The following E2F6 variants were observed in gnomAD, a reference collection of about 807,000 sequenced individuals.
E2F6 encodes E2F transcription factor 6, also known as transcription factor E2F6.
E2F6 carries 19 observed loss-of-function variants against 31.5 expected under a neutral mutation model. The ratio of observed to expected loss-of-function variants is 0.60; its 90% confidence interval spans 0.42 to 0.89. The LOEUF (loss-of-function observed/expected upper bound fraction) is 0.89. Ranked by LOEUF, E2F6 falls within the 40% of genes least tolerant of loss-of-function variation. The pLI, the probability that E2F6 is intolerant of heterozygous loss-of-function variation, is 0.00. For missense variants in E2F6, 269 were observed against 341.6 expected, an observed-to-expected ratio of 0.79 and a Z score of 1.67; for synonymous variants, 121 against 127.7, an observed-to-expected ratio of 0.95 and a Z score of 0.36.
At chr2:11,457,485 T>C (rs1671481510) in intron 1 of E2F6, among the ~76,000 whole-genome samples, 1 of 152,120 alleles carries the variant, frequency 6.6e-6, no homozygotes, top group South Asian at 2.1e-4. Context: ...TAGCCGGGCG[T>C]GGTGGCAGGC....
chr2:11,460,198 G>A (rs1671688693), intron 1 of E2F6, among the ~76,000 whole-genome samples: 1 of 152,178 alleles, frequency 6.6e-6, no homozygotes, highest in Admixed American at 6.5e-5. Context: ...CTGCCTCCAA[G>A]CTGGTTAAAC....
chr2:11,456,711 T>C (rs1671426645), intron 2 of E2F6, among the ~76,000 whole-genome samples: 1 of 152,146 alleles, frequency 6.6e-6, no homozygotes, highest in African/African-American at 2.4e-5. Flanking sequence ...TGGGTGAGAC[T>C]GGGGCAGGCA....
chr2:11,445,722 C>T lies in E2F6; in HGVS notation c.*755G>A, dbSNP rs1572482950. Reference sequence around the variant, plus strand: ...GGCATGCCACCAGTCTGCTGGGAGACAGCAATTAGGTAGACAGCTTAAAAC... The same window carrying T: ...GGCATGCCACCAGTCTGCTGGGAGATAGCAATTAGGTAGACAGCTTAAAAC... On this transcript the variant is annotated 3_prime_UTR_variant, in exon 7 of 7. Transcript: ENST00000381525. 1 of 152,338 alleles carries T rather than the reference C, an allele frequency of 6.6e-6. No homozygotes were observed. The highest frequency in any genetic ancestry group is 2.1e-4 in the South Asian group (1 of 4,830). The allele number at this position is 152,338 out of a possible 1,614,324, so 9.4% of individuals were successfully genotyped here. A position where few individuals can be genotyped will look rare whatever the true frequency, so the allele number is the denominator to read the frequency against.
intron 5 of E2F6, among the ~76,000 whole-genome samples, chr2:11,449,180 C>T (rs1670906460): frequency 6.6e-6 from 1 of 152,218 alleles, no homozygotes; most frequent in Non-Finnish European, 1.5e-5. Flanking sequence ...AACTAGGAAA[C>T]ATCACCAAGA....
chr2:11,462,151 C>A (rs1173225620), intron 1 of E2F6, among the ~76,000 whole-genome samples: 1 of 152,066 alleles, frequency 6.6e-6, no homozygotes, highest in African/African-American at 2.4e-5. Context: ...ATTCCTGGTA[C>A]CAAAATCTGT....
At chr2:11,465,191 A>AAAG (rs1672077400) in intron 1 of E2F6, among the ~76,000 whole-genome samples, 2 of 142,046 alleles carry the variant, frequency 1.4e-5, no homozygotes, top group African/African-American at 5.7e-5. Flanking sequence ...AAAAAAAAAA[A>AAAG]AAAAAGAAAA....
chr2:11,461,477 G>A (rs996092367), intron 1 of E2F6, among the ~76,000 whole-genome samples: 3 of 152,114 alleles, frequency 2.0e-5, no homozygotes, highest in African/African-American at 4.8e-5. Flanking sequence ...TCAGCCTCCC[G>A]AGTAGCTGGG....
At chr2:11,455,739 G>A (rs1337432288) in intron 2 of E2F6, among the ~76,000 whole-genome samples, 6 of 152,154 alleles carry the variant, frequency 3.9e-5, no homozygotes, top group Admixed American at 3.9e-4. Flanking sequence ...GATTACAGAG[G>A]TCTTCACACC....
intron 2 of E2F6, 91 bp downstream of exon 2, chr2:11,457,088 T>C (rs1471249946): frequency 1.0e-6 from 1 of 998,738 alleles, no homozygotes; most frequent in Non-Finnish European, 1.5e-6. Flanking sequence ...TGTATTTCAG[T>C]TTCTCATCAA....
chr2:11,447,872 C>T, intron 5 of E2F6, 98 bp from the exon 6 acceptor site: 1 of 1,398,756 alleles, frequency 7.1e-7, no homozygotes, highest in Admixed American at 2.3e-5. Context: ...TTGAGAAAAT[C>T]ACCTTAGCTG....
At chr2:11,464,813 G>A (rs1672033737) in intron 1 of E2F6, among the ~76,000 whole-genome samples, 1 of 152,132 alleles carries the variant, frequency 6.6e-6, no homozygotes, top group Non-Finnish European at 1.5e-5. Flanking sequence ...TGAGAAATGA[G>A]AAATTAAATG....
rs1670687464 is a variant in E2F6, at chr2:11,445,970, A to G, written c.*507T>C. On this transcript the variant is annotated 3_prime_UTR_variant, in exon 7 of 7. Transcript: ENST00000381525. ...CATATATACATTATTTTGGCTGTAC[A>G]AGGGTGAAAAGTGTCACTCAGACAT... is the stretch of plus-strand genomic sequence containing the variant. The G allele has an allele frequency of 6.5e-6, 1 of 153,038 alleles. No individual in the cohort carries two copies. The highest frequency in any genetic ancestry group is 1.5e-5 in the Non-Finnish European group (1 of 68,388). 9.5% of individuals were successfully genotyped at this position (153,038 alleles called of 1,614,324 possible).
intron 2 of E2F6, 142 bp from the exon 3 acceptor site, chr2:11,453,940 T>G: frequency 1.4e-6 from 1 of 737,268 alleles, no homozygotes; most frequent in Non-Finnish European, 2.2e-6. Flanking sequence ...CTGGTTTCTA[T>G]GAAATAAATC....
intron 1 of E2F6, among the ~76,000 whole-genome samples, chr2:11,460,687 C>T (rs1027725901): frequency 6.6e-6 from 1 of 152,190 alleles, no homozygotes; most frequent in African/African-American, 2.4e-5. Flanking sequence ...AGTGCTTAAA[C>T]AAACCTAGAT....
At position 11,466,092 on chromosome 2, in the gene E2F6, G is replaced by T. The variant is rs1672196751; in HGVS notation, c.-213C>A. On this transcript the variant is annotated 5_prime_UTR_variant, in exon 1 of 7. Transcript: ENST00000381525. ...TGCCCGGGAGCTCCCGACGCAGACG[G>T]AAAAAGAGGAGGGAGACCCGCGGAT... 4 of 510,696 alleles carry T rather than the reference G, an allele frequency of 7.8e-6. No homozygotes were observed. Among genetic ancestry groups the T allele is most frequent in the East Asian group, 7.2e-5 (2 of 27,920 alleles). 31.6% of individuals were successfully genotyped at this position (510,696 alleles called of 1,614,324 possible).
intron 1 of E2F6, chr2:11,458,196 G>T: frequency 6.7e-7 from 1 of 1,484,500 alleles, no homozygotes; most frequent in Non-Finnish European, 9.2e-7. Flanking sequence ...TGGCCATAAA[G>T]CAAAACTGGG....
intron 3 of E2F6, 45 bp downstream of exon 3, chr2:11,453,537 G>C: frequency 6.4e-7 from 1 of 1,560,828 alleles, no homozygotes; most frequent in Non-Finnish European, 8.8e-7. Flanking sequence ...ATTGTCACTT[G>C]ATGAGAAGGA....
At chr2:11,456,974 T>G (rs1671445810) in intron 2 of E2F6, 2 of 545,362 alleles carry the variant, frequency 3.7e-6, no homozygotes, top group Non-Finnish European at 6.7e-6. Flanking sequence ...ATACAGACTG[T>G]TCTATGGAGA....
At chr2:11,459,158 A>ACCT (rs146130726) in intron 1 of E2F6, among the ~76,000 whole-genome samples, 2,985 of 152,228 alleles carry the variant, frequency 0.02, 58 homozygotes, top group Non-Finnish European at 0.033. Flanking sequence ...AACATCCTAA[A>ACCT]TCCTTATATA....
Sources: gnomAD v4.1 joint callset for allele counts (sites outside exome capture counted in the v4.1 genomes callset) on GRCh38, gnomAD v4.1.1 for gene constraint, MANE v1.5 for transcripts, NCBI Gene and HGNC (gene_info 2026-07-23, HGNC 2026-07-21) for gene names.